The following LRMDA variants were observed in gnomAD, a reference collection of about 807,000 sequenced individuals.
The protein encoded by LRMDA is leucine-rich melanocyte differentiation-associated protein.
A neutral mutation model predicts 29.8 loss-of-function variants in LRMDA; 18 were observed. The ratio of observed to expected loss-of-function variants is 0.60; its 90% CI spans 0.42 to 0.90. The LOEUF (loss-of-function observed/expected upper bound fraction) is 0.90. LRMDA is among the 40% of genes least tolerant of loss of function. LRMDA has a pLI of 0.00. For missense variants in LRMDA, 273 were observed against 273.9 expected (o/e 1.00, Z 0.02); for synonymous variants, 125 against 109.4 (o/e 1.14, Z -0.89).
At chr10:76,150,191 A>T (rs562973244) in intron 5 of LRMDA, among the ~76,000 whole-genome samples, 1 of 152,230 alleles carries the variant, frequency 6.6e-6, no homozygotes, top group Non-Finnish European at 1.5e-5. Flanking sequence ...TCTGTGGCAG[A>T]TGCCTCTGAG....
intron 2 of LRMDA, among the ~76,000 whole-genome samples, chr10:75,491,759 T>C (rs944747441): frequency 6.6e-6 from 1 of 152,222 alleles, no homozygotes; most frequent in African/African-American, 2.4e-5. Context: ...TTTGAGAATG[T>C]GCTGTCTTCT....
At chr10:75,818,937 C>A (rs761838696) in intron 2 of LRMDA, among the ~76,000 whole-genome samples, 6 of 152,194 alleles carry the variant, frequency 3.9e-5, no homozygotes, top group Non-Finnish European at 7.3e-5. Flanking sequence ...AATCCCAAGA[C>A]CCCGTGCCAG....
At chr10:75,609,451 C>T (rs1323037493) in intron 2 of LRMDA, among the ~76,000 whole-genome samples, 6 of 152,182 alleles carry the variant, frequency 3.9e-5, no homozygotes, top group Admixed American at 3.9e-4. Flanking sequence ...TACCATTGTC[C>T]ATTGGCCTTC....
intron 2 of LRMDA, among the ~76,000 whole-genome samples, chr10:75,987,702 G>T (rs1847285090): frequency 6.6e-6 from 1 of 152,284 alleles, no homozygotes; most frequent in East Asian, 1.9e-4. Flanking sequence ...AAAATCTGTG[G>T]TCTCTGTGGG....
intron 2 of LRMDA, among the ~76,000 whole-genome samples, chr10:75,710,284 C>T (rs922160916): frequency 6.6e-6 from 1 of 152,170 alleles, no homozygotes; most frequent in Admixed American, 6.5e-5. Context: ...TTTATTATTT[C>T]TCAGCTGGAT....
chr10:76,498,550 A>G lies in LRMDA; in HGVS notation c.602-58659A>G, dbSNP rs183603926. Among the ~76,000 whole-genome samples the G allele has an allele frequency of 1.8e-3, 134 of 75,998 alleles. 41 individuals are homozygous for G. The highest frequency in any genetic ancestry group is 4.2e-3 in the African/African-American group (131 of 31,174). The allele number at this position is 75,998 out of a possible 152,430, so 49.9% of individuals were successfully genotyped here. On this transcript the variant is annotated intron_variant, in intron 6 of 6. Transcript: ENST00000611255. ...TAGAGTTTTCCTCAAGCCTTTTCCT[A>G]TGAAAACTCTCAGGTTTTGTCAGCT...
chr10:76,066,766 G>A (rs1201467728), intron 5 of LRMDA, among the ~76,000 whole-genome samples: 1 of 152,200 alleles, frequency 6.6e-6, no homozygotes, highest in Non-Finnish European at 1.5e-5. Context: ...CCAGGCTGTG[G>A]GGGGATCTCT....
At chr10:75,478,237 ACAT>A (rs1844818545) in intron 2 of LRMDA, among the ~76,000 whole-genome samples, 1 of 152,204 alleles carries the variant, frequency 6.6e-6, no homozygotes, top group Non-Finnish European at 1.5e-5. Flanking sequence ...AGCAAAGAGA[ACAT>A]CATATTTAAG....
intron 2 of LRMDA, among the ~76,000 whole-genome samples, chr10:75,564,032 C>A (rs568508882): frequency 6.6e-6 from 1 of 152,178 alleles, no homozygotes; most frequent in Admixed American, 6.5e-5. Flanking sequence ...TCTCCAGCTG[C>A]GTGCTGGGAG....
intron 2 of LRMDA, among the ~76,000 whole-genome samples, chr10:75,973,021 ACAGCAGCAGCAGCAGCAGCAGCAGCAG>A (rs3042539): frequency 6.4e-4 from 95 of 148,964 alleles, no homozygotes; most frequent in Admixed American, 1.1e-3. Flanking sequence ...CACTTTAACA[ACAGCAGCAGCAGCAGCAGCAGCAGCAG>A]CAGCAGCAGC....
intron 2 of LRMDA, among the ~76,000 whole-genome samples, chr10:75,608,129 T>TATATATATATATATATATATAGACAC (rs11271217): frequency 1.5e-4 from 13 of 89,536 alleles, no homozygotes; most frequent in Admixed American, 2.6e-4. Flanking sequence ...TATATATATA[T>TATATATATATATATATATATAGACAC]ACACACACAT....
chr10:75,854,349 C>T (rs1354712496), intron 2 of LRMDA, among the ~76,000 whole-genome samples: 2 of 151,980 alleles, frequency 1.3e-5, no homozygotes, highest in African/African-American at 4.8e-5. Context: ...TCCTGGTTTC[C>T]CTGGGATAGT....
intron 2 of LRMDA, among the ~76,000 whole-genome samples, chr10:75,626,672 G>A (rs557590519): frequency 3.5e-4 from 53 of 152,298 alleles, no homozygotes; most frequent in African/African-American, 1.1e-3. Flanking sequence ...GTGCAAACAG[G>A]GAGGTAGAGA....
chr10:75,774,561 CA>C (rs1295336330), intron 2 of LRMDA, among the ~76,000 whole-genome samples: 3 of 152,004 alleles, frequency 2.0e-5, no homozygotes, highest in Non-Finnish European at 4.4e-5. Flanking sequence ...CGATGAGGAG[CA>C]GACTGTTTTA....
intron 2 of LRMDA, among the ~76,000 whole-genome samples, chr10:75,501,255 T>C (rs1845110150): frequency 6.6e-6 from 1 of 152,214 alleles, no homozygotes; most frequent in East Asian, 1.9e-4. Flanking sequence ...AATTCTTTCT[T>C]TGGTATTTTT....
intron 2 of LRMDA, among the ~76,000 whole-genome samples, chr10:75,571,429 T>A (rs868511440): frequency 6.6e-6 from 1 of 152,144 alleles, no homozygotes; most frequent in Admixed American, 6.5e-5. Flanking sequence ...GAACATTGGG[T>A]GTGATCTTCC....
intron 2 of LRMDA, among the ~76,000 whole-genome samples, chr10:75,586,928 C>T (rs1840664078): frequency 6.6e-6 from 1 of 151,840 alleles, no homozygotes. Flanking sequence ...TATAAGTTGC[C>T]TTTTTACTCT....
At chr10:75,726,163 C>T (rs894350773) in intron 2 of LRMDA, among the ~76,000 whole-genome samples, 3 of 152,138 alleles carry the variant, frequency 2.0e-5, no homozygotes, top group Non-Finnish European at 4.4e-5. Context: ...TGGATGAAAG[C>T]AGGAAGGGCC....
intron 5 of LRMDA, among the ~76,000 whole-genome samples, chr10:76,146,960 G>C (rs985958294): frequency 6.6e-6 from 1 of 152,152 alleles, no homozygotes; most frequent in African/African-American, 2.4e-5. Context: ...AGTTTGGCAG[G>C]ATATGAAATT....
Sources: allele counts gnomAD v4.1 joint callset (sites outside exome capture counted in the v4.1 genomes callset), GRCh38; gene constraint gnomAD v4.1.1; transcripts MANE v1.5; gene names NCBI Gene and HGNC (gene_info 2026-07-23, HGNC 2026-07-21).